ZFHX4: variants seen among roughly 807,000 people sequenced by gnomAD.
ZFHX4 encodes the protein zinc finger homeobox 4.
ZFHX4 carries 56 observed loss-of-function variants against 267.6 expected under a neutral mutation model. The ratio of observed to expected loss-of-function variants is 0.21; its 90% confidence interval spans 0.17 to 0.26. ZFHX4 has a LOEUF of 0.26. Among genes scored for constraint, ZFHX4 ranks in the 10% least tolerant of loss-of-function variants. ZFHX4 has a pLI of 1.00. For synonymous variants in ZFHX4, 1,778 were observed against 1,665.6 expected, an observed-to-expected ratio of 1.07 and a Z score of -1.64; for missense variants, 4,332 against 4,420.0, an observed-to-expected ratio of 0.98 and a Z score of 0.56.
intron 3 of ZFHX4, among the ~76,000 whole-genome samples, chr8:76,755,669 C>T (rs1195993897): frequency 2.0e-5 from 3 of 152,092 alleles, no homozygotes; most frequent in Admixed American, 1.3e-4. Context: ...AGAAATTGCT[C>T]GATGAAAGCT....
In ZFHX4 at chr8:76,855,323, A is replaced by G; in HGVS notation, c.8402A>G (p.Asp2801Gly). The change falls in exon 10 of 11, where the codon GAT becomes GGT. Residue 2801 changes from aspartate to glycine, a missense_variant. Asp to Gly is a moderately conservative substitution (Grantham distance 94). This residue lies in a region of ZFHX4 where 1,648 missense variants were observed against 1,625.0 expected (regional missense o/e 1.01). Transcript: ENST00000651372. Reference protein sequence around the residue: ...AGYDQNKTDFDETSSINTAIS... With the variant: ...AGYDQNKTDFGETSSINTAIS... ...TATGATCAAAATAAAACCGATTTTG[A>G]TGAGACTTCATCGATTAATACGGCA... 6.2e-7 allele frequency: 1 copy of G among 1,613,774 alleles called. No homozygotes were observed. Among genetic ancestry groups the G allele is most frequent in the East Asian group, 2.2e-5 (1 of 44,804 alleles).
chr8:76,832,721 G>A (rs1268948721), intron 4 of ZFHX4, among the ~76,000 whole-genome samples: 1 of 152,128 alleles, frequency 6.6e-6, no homozygotes, highest in Non-Finnish European at 1.5e-5. Flanking sequence ...ACAATAGAGT[G>A]CAAAAAGGAA....
intron 3 of ZFHX4, among the ~76,000 whole-genome samples, chr8:76,709,814 T>TGTGTGC (rs1808377837): frequency 6.6e-6 from 1 of 151,520 alleles, no homozygotes; most frequent in Admixed American, 6.6e-5. Flanking sequence ...TGTGTGTGTG[T>TGTGTGC]GTGTGTGTGT....
intron 3 of ZFHX4, among the ~76,000 whole-genome samples, chr8:76,756,925 A>G (rs1809780240): frequency 1.3e-5 from 2 of 152,190 alleles, no homozygotes; most frequent in East Asian, 1.9e-4. Context: ...ATATCCCCAA[A>G]TTAATATCAT....
At chr8:76,760,660 GC>G (rs1809886644) in intron 3 of ZFHX4, among the ~76,000 whole-genome samples, 1 of 152,054 alleles carries the variant, frequency 6.6e-6, no homozygotes, top group African/African-American at 2.4e-5. Flanking sequence ...AGGTGGGGTG[GC>G]TCACACCTGT....
chr8:76,802,464 T>G (rs763304143), intron 4 of ZFHX4, among the ~76,000 whole-genome samples: 1 of 152,172 alleles, frequency 6.6e-6, no homozygotes, highest in Admixed American at 6.6e-5. Flanking sequence ...AAAAATTACA[T>G]AATGCCTACA....
chr8:76,705,700 C>A lies in ZFHX4; in HGVS notation c.1612C>A (p.Gln538Lys), dbSNP rs776444016. The A allele has an allele frequency of 3.7e-6, 6 of 1,614,018 alleles. No individual in the cohort carries two copies. The East Asian group carries it at 6.7e-5, about 18-fold the overall frequency. ...TTCTGATGACACAGAAAAGAAAAAA[C>A]AGACTGCTGCTGTTAGGGCCAGTGG... ...TVSDDTEKKK[Q>K]TAAVRASGSV... Residue 538 changes from glutamine (Q) to lysine (K), a missense_variant, in exon 2 of 11, where the codon CAG becomes AAG. Around this residue, in one of 7 missense-constraint regions of ZFHX4, gnomAD observed 1,195 missense variants for 1,173.6 expected, o/e 1.02. Transcript: ENST00000651372.
At chr8:76,747,920 G>A (rs1025807671) in intron 3 of ZFHX4, among the ~76,000 whole-genome samples, 2 of 150,424 alleles carry the variant, frequency 1.3e-5, no homozygotes, top group East Asian at 2.0e-4. Flanking sequence ...GCAACAGAGC[G>A]AGGCTCTATC....
chr8:76,706,062 C>T lies in ZFHX4; in HGVS notation c.1974C>T (p.Thr658=). The T allele has an allele frequency of 1.2e-6, 2 of 1,613,638 alleles. No individual in the cohort carries two copies. Among genetic ancestry groups the T allele is most frequent in the South Asian group, 1.1e-5 (1 of 91,036 alleles). ...ACTGGCACTACAAATATCAGCAGAC[C>T]CTGGAGGCCCATATGAAGGAGAAAC... is the stretch of plus-strand genomic sequence containing the variant. ...KCNWHYKYQQ[T]LEAHMKEKHP... Residue 658 remains threonine, a synonymous_variant, in exon 2 of 11, where the codon ACC becomes ACT. Transcript: ENST00000651372.
chr8:76,809,209 T>C (rs2131841435), intron 4 of ZFHX4, among the ~76,000 whole-genome samples: 1 of 152,286 alleles, frequency 6.6e-6, no homozygotes, highest in African/African-American at 2.4e-5. Flanking sequence ...ATATTGGCAA[T>C]ACTGCTTGAA....
At chr8:76,810,140 G>A (rs546231163) in intron 4 of ZFHX4, among the ~76,000 whole-genome samples, 1 of 152,236 alleles carries the variant, frequency 6.6e-6, no homozygotes, top group Non-Finnish European at 1.5e-5. Flanking sequence ...CTCTTTCACT[G>A]TTCTGCAAAT....
intron 10 of ZFHX4, among the ~76,000 whole-genome samples, chr8:76,862,074 A>C (rs1215235048): frequency 6.6e-6 from 1 of 152,224 alleles, no homozygotes; most frequent in African/African-American, 2.4e-5. Context: ...TCTTCAAAAA[A>C]GGCACAGGCT....
intron 4 of ZFHX4, among the ~76,000 whole-genome samples, chr8:76,830,665 T>A (rs1286667970): frequency 6.6e-6 from 1 of 152,192 alleles, no homozygotes; most frequent in African/African-American, 2.4e-5. Context: ...TACAAGTAGC[T>A]CTCATTGGAG....
intron 3 of ZFHX4, among the ~76,000 whole-genome samples, chr8:76,730,984 C>T (rs943012738): frequency 2.5e-4 from 38 of 152,094 alleles, no homozygotes; most frequent in African/African-American, 8.4e-4. Context: ...GGTGTCTTTC[C>T]CAGGATCATA....
At chr8:76,683,684 A>C (rs929532827) in intron 1 of ZFHX4, 1 of 151,084 alleles carries the variant, frequency 6.6e-6, no homozygotes, top group Non-Finnish European at 1.5e-5. Context: ...GGGAGAGAAG[A>C]GACAAGAGAC....
At position 76,790,670 on chromosome 8, in the gene ZFHX4, C is replaced by T. The variant is rs536372552; in HGVS notation, c.3325+12231C>T. Among the ~76,000 whole-genome samples the T allele has an allele frequency of 6.6e-5, 10 of 152,186 alleles. No individual in the cohort carries two copies. The South Asian group carries it at 1.9e-3, about 28-fold the overall frequency. On this transcript the variant is annotated intron_variant, in intron 4 of 10. Coordinates refer to ENST00000651372, the MANE Select transcript of ZFHX4 (RefSeq NM_024721.5). ...TTGGTCTTCTGTGAAAGGAATAAAT[C>T]TCTGGCTCCAAGTTTTGAGGACTTA...
intron 4 of ZFHX4, among the ~76,000 whole-genome samples, chr8:76,822,402 T>C (rs1002564529): frequency 1.3e-4 from 20 of 152,102 alleles, no homozygotes; most frequent in Middle Eastern, 3.4e-3. Flanking sequence ...CCAAGGTTTT[T>C]TTCCTTTGGC....
In ZFHX4 at chr8:76,705,276, G is replaced by A; in HGVS notation, c.1188G>A (p.Leu396=). The A allele has an allele frequency of 1.2e-6, 2 of 1,613,992 alleles. No homozygotes were observed. Among genetic ancestry groups the A allele is most frequent in the Non-Finnish European group, 8.5e-7 (1 of 1,179,892 alleles). ...ASTSSSAEQP[L]GITQMPKAEV... ...CCTCGAGCTCAGCAGAGCAGCCGCT[G>A]GGGATTACCCAAATGCCAAAGGCTG... Residue 396 remains leucine, a synonymous_variant, in exon 2 of 11, where the codon CTG becomes CTA. Coordinates refer to ENST00000651372, the MANE Select transcript of ZFHX4 (RefSeq NM_024721.5).
chr8:76,786,625 C>T (rs13439790), intron 4 of ZFHX4, among the ~76,000 whole-genome samples: 20 of 151,834 alleles, frequency 1.3e-4, no homozygotes, highest in Admixed American at 8.5e-4. Flanking sequence ...TGATAACCAA[C>T]CCAAAAAATA....
Sources: allele counts gnomAD v4.1 joint callset (sites outside exome capture counted in the v4.1 genomes callset), GRCh38; gene constraint gnomAD v4.1.1; regional missense constraint gnomAD v4.1.1; transcripts MANE v1.5; gene names NCBI Gene and HGNC (gene_info 2026-07-23, HGNC 2026-07-21).